FBLN5: variants seen among roughly 807,000 people sequenced by gnomAD.
FBLN5 encodes the protein fibulin 5, also known as fibulin-5.
Under a neutral mutation model 61.6 loss-of-function variants are expected in FBLN5, and 24 were observed. The observed-to-expected ratio is 0.39, with a 90% CI of 0.28 to 0.55. The LOEUF is 0.55. FBLN5 is among the 20% of genes least tolerant of loss of function. The pLI, the probability that FBLN5 is intolerant of heterozygous loss-of-function variation, is 0.65. For missense variants in FBLN5, 470 were observed against 594.1 expected, an observed-to-expected ratio of 0.79 and a Z score of 2.17; for synonymous variants, 213 against 219.8, an observed-to-expected ratio of 0.97 and a Z score of 0.27.
intron 4 of FBLN5, among the ~76,000 whole-genome samples, chr14:91,913,427 A>G (rs1014814156): frequency 6.6e-6 from 1 of 152,192 alleles, no homozygotes; most frequent in African/African-American, 2.4e-5. Flanking sequence ...ACCTAAATCT[A>G]TTATGTATGA....
chr14:91,888,622 A>T (rs1241463677), intron 6 of FBLN5, among the ~76,000 whole-genome samples: 1 of 150,990 alleles, frequency 6.6e-6, no homozygotes, highest in African/African-American at 2.4e-5. Context: ...AAAAAAAAAA[A>T]AATACATATA....
rs546795402 is a variant in FBLN5 at position 91,894,999 on chromosome 14, G to A, written c.453C>T (p.Tyr151=). The A allele has an allele frequency of 2.5e-6, 4 of 1,614,170 alleles. No homozygotes were observed. The highest frequency in any genetic ancestry group is 2.7e-5 in the African/African-American group (2 of 75,036). Residue 151 remains tyrosine (Y), a synonymous_variant, in exon 5 of 11, where the codon TAC becomes TAT. Coordinates refer to ENST00000342058, the MANE Select transcript of FBLN5 (RefSeq NM_006329.4). The part of the protein sequence containing the change: ...TQICINTEGG[Y]TCSCTDGYWL... ...AATATCCGTCGGTGCAGGAGCAGGT[G>A]TACCCGCCTTCAGTATTGATGCAGA... is the stretch of plus-strand genomic sequence containing the variant.
At chr14:91,871,631 C>T (rs182439101) in intron 10 of FBLN5, among the ~76,000 whole-genome samples, 42 of 152,092 alleles carry the variant, frequency 2.8e-4, no homozygotes, top group Non-Finnish European at 4.4e-4. Flanking sequence ...CCGAGGTGGG[C>T]GGATCACTTG....
chr14:91,880,342 T>C (rs1021680980), intron 9 of FBLN5, among the ~76,000 whole-genome samples: 4 of 152,194 alleles, frequency 2.6e-5, no homozygotes, highest in African/African-American at 9.7e-5. Flanking sequence ...AGGTGAGTCC[T>C]ATGAGTGTTA....
intron 7 of FBLN5, among the ~76,000 whole-genome samples, chr14:91,884,578 G>A (rs769480576): frequency 6.6e-6 from 1 of 152,248 alleles, no homozygotes; most frequent in Non-Finnish European, 1.5e-5. Context: ...GAGACTTACA[G>A]AGGTTAGCTG....
chr14:91,912,275 T>C (rs1890980566), intron 4 of FBLN5, among the ~76,000 whole-genome samples: 3 of 152,180 alleles, frequency 2.0e-5, no homozygotes, highest in South Asian at 4.1e-4. Context: ...GGTGTGAGGA[T>C]CACGTGAGGC....
intron 9 of FBLN5, 64 bp downstream of exon 9, chr14:91,881,228 C>G (rs1346977911): frequency 2.5e-6 from 4 of 1,602,444 alleles, no homozygotes; most frequent in Admixed American, 3.3e-5. Flanking sequence ...TCACACCACA[C>G]CTCCAACCTC....
At chr14:91,941,965 A>G (rs13379081) in intron 2 of FBLN5, 34,884 of 352,564 alleles carry the variant, frequency 0.099, 2,582 homozygotes, top group African/African-American at 0.26. Flanking sequence ...CTCCTCCCAA[A>G]ATCCTTCCCA....
intron 1 of FBLN5, among the ~76,000 whole-genome samples, chr14:91,945,221 T>C (rs908992044): frequency 7.2e-6 from 1 of 138,252 alleles, no homozygotes; most frequent in East Asian, 2.1e-4. Flanking sequence ...ACAGCGAGAC[T>C]CCGTCTCAAA....
intron 1 of FBLN5, among the ~76,000 whole-genome samples, chr14:91,946,362 C>T (rs1466548084): frequency 1.3e-5 from 2 of 152,064 alleles, no homozygotes. Flanking sequence ...TGCTCATAAC[C>T]GGTCCTGGGA....
chr14:91,897,148 T>G (rs944722337), intron 4 of FBLN5, among the ~76,000 whole-genome samples: 9 of 151,824 alleles, frequency 5.9e-5, no homozygotes, highest in African/African-American at 2.2e-4. Flanking sequence ...AGTGCCAAGA[T>G]GACGGCAGCC....
chr14:91,925,411 C>A lies in FBLN5; in HGVS notation c.379+11536G>T, dbSNP rs147467677. On this transcript the variant is annotated intron_variant, in intron 4 of 10. Coordinates refer to ENST00000342058, the MANE Select transcript of FBLN5 (RefSeq NM_006329.4). Reference sequence around the variant, plus strand: ...AATCCTGTGAATGTCCTTTCCCTGCCAGCCCCCAAGGAGATGGCCCAGAGA... The same window carrying A: ...AATCCTGTGAATGTCCTTTCCCTGCAAGCCCCCAAGGAGATGGCCCAGAGA... 3.0e-3 allele frequency among the ~76,000 whole-genome samples: 459 copies of A among 152,272 alleles called. 3 individuals carry two copies. Among genetic ancestry groups the A allele is most frequent in the African/African-American group, 0.01 (422 of 41,562 alleles).
chr14:91,900,729 C>T (rs1197022782), intron 4 of FBLN5, among the ~76,000 whole-genome samples: 3 of 152,202 alleles, frequency 2.0e-5, no homozygotes, highest in African/African-American at 7.2e-5. Flanking sequence ...TGTAGCCTGC[C>T]TCGTAGGTAG....
intron 10 of FBLN5, among the ~76,000 whole-genome samples, chr14:91,876,272 C>T (rs1889157559): frequency 6.6e-6 from 1 of 152,154 alleles, no homozygotes; most frequent in African/African-American, 2.4e-5. Context: ...CCTTGTGGCC[C>T]ATGACTTCAT....
rs553149893 is a variant in FBLN5 at position 91,923,975 on chromosome 14, A to G, written c.379+12972T>C. ...TTGCCATCCCATTTCACTGGGCTAC[A>G]TAAAATTATTTGGGTTTCATATTTC... On this transcript the variant is annotated intron_variant, in intron 4 of 10. Transcript: ENST00000342058. 4.6e-5 allele frequency among the ~76,000 whole-genome samples: 7 copies of G among 152,310 alleles called. No individual in the cohort carries two copies. The South Asian group carries it at 1.2e-3, about 27-fold the overall frequency.
chr14:91,894,416 A>AAAAAAAAAAAAAAAAG, intron 5 of FBLN5, among the ~76,000 whole-genome samples: 3 of 143,608 alleles, frequency 2.1e-5, no homozygotes, highest in Admixed American at 7.0e-5. Flanking sequence ...AAAAAAAAAA[A>AAAAAAAAAAAAAAAAG]AAAAAAAAAA....
In FBLN5 at chr14:91,883,095, C is replaced by T; in HGVS notation, c.740-19G>A. ...TCCATATCTGGGGTGACAAGTCACA[C>T]CTGCTGTTTGTAATCCCAGTCTACA... On this transcript the variant is annotated intron_variant, in intron 7 of 10. Transcript: ENST00000342058. 1.2e-6 allele frequency: 2 copies of T among 1,613,214 alleles called. No homozygotes were observed. Among genetic ancestry groups the T allele is most frequent in the Non-Finnish European group, 1.7e-6 (2 of 1,179,464 alleles).
At chr14:91,921,895 G>A (rs1382895926) in intron 4 of FBLN5, among the ~76,000 whole-genome samples, 8 of 152,208 alleles carry the variant, frequency 5.3e-5, no homozygotes, top group African/African-American at 1.2e-4. Context: ...ACCAGGGCAC[G>A]TCGTGGGATG....
intron 10 of FBLN5, among the ~76,000 whole-genome samples, chr14:91,871,513 T>C (rs529270905): frequency 7.9e-5 from 12 of 152,276 alleles, no homozygotes; most frequent in African/African-American, 2.9e-4. Flanking sequence ...TGAGCACCCA[T>C]CATGTGTGAG....
Sources: gnomAD v4.1 joint callset for allele counts (sites outside exome capture counted in the v4.1 genomes callset) on GRCh38, gnomAD v4.1.1 for gene constraint, MANE v1.5 for transcripts, NCBI Gene and HGNC (gene_info 2026-07-23, HGNC 2026-07-21) for gene names.